The following SHANK2 variants were observed in gnomAD, a reference collection of about 807,000 sequenced individuals.
SHANK2 encodes SH3 and multiple ankyrin repeat domains protein 2.
SHANK2 carries 43 observed loss-of-function variants against 133.7 expected under a neutral mutation model. The ratio of observed to expected loss-of-function variants is 0.32; its 90% confidence interval spans 0.25 to 0.41. SHANK2 has a LOEUF of 0.41. SHANK2 is among the 10% of genes least tolerant of loss of function. The pLI, the probability that SHANK2 is intolerant of heterozygous loss-of-function variation, is 1.00. For synonymous variants in SHANK2, 1,017 were observed against 952.8 expected (o/e 1.07, Z -1.24); for missense variants, 1,994 against 2,235.8 (o/e 0.89, Z 2.18).
chr11:70,575,579 C>T (rs563470329), intron 17 of SHANK2, among the ~76,000 whole-genome samples: 32 of 151,828 alleles, frequency 2.1e-4, no homozygotes, highest in African/African-American at 7.3e-4. Context: ...CACAGAGTCC[C>T]CTGGGGTGGG....
intron 17 of SHANK2, among the ~76,000 whole-genome samples, chr11:70,515,551 C>G (rs1328083119): frequency 6.7e-6 from 1 of 148,232 alleles, no homozygotes; most frequent in Non-Finnish European, 1.5e-5. Flanking sequence ...TCTATAATCC[C>G]AGCACTCTGG....
chr11:71,160,917 A>G (rs530960824), intron 2 of SHANK2, among the ~76,000 whole-genome samples: 134 of 152,318 alleles, frequency 8.8e-4, no homozygotes, highest in African/African-American at 3.2e-3. Flanking sequence ...TCCAAAGAAG[A>G]TGGCTTCCAA....
intron 17 of SHANK2, among the ~76,000 whole-genome samples, chr11:70,545,134 C>T (rs1201946474): frequency 6.6e-6 from 1 of 152,240 alleles, no homozygotes; most frequent in Admixed American, 6.5e-5. Flanking sequence ...GATCACCACC[C>T]CAGTCCTGCC....
intron 9 of SHANK2, among the ~76,000 whole-genome samples, chr11:71,071,312 T>A (rs1951138371): frequency 6.6e-6 from 1 of 152,238 alleles, no homozygotes; most frequent in Non-Finnish European, 1.5e-5. Flanking sequence ...GGGACACAGC[T>A]GCATACAAAC....
chr11:70,675,396 G>C (rs537450203), intron 15 of SHANK2, among the ~76,000 whole-genome samples: 1 of 152,140 alleles, frequency 6.6e-6, no homozygotes, highest in Non-Finnish European at 1.5e-5. Context: ...CACTTTACAG[G>C]GGAGCAAATA....
At position 71,106,093 on chromosome 11, in the gene SHANK2, G is replaced by A. The variant is rs1185819307; in HGVS notation, c.592+3848C>T. 7.2e-5 allele frequency among the ~76,000 whole-genome samples: 11 copies of A among 152,202 alleles called. No individual in the cohort carries two copies. The East Asian group carries it at 1.9e-3, about 27-fold the overall frequency. ...AGGAAACTGGGGGAGCAGTCAATATGGGAACTCACAGTACTTCTATTCAAT... is the reference window on the plus strand; with the variant it reads ...AGGAAACTGGGGGAGCAGTCAATATAGGAACTCACAGTACTTCTATTCAAT... On this transcript the variant is annotated intron_variant, in intron 6 of 25. Coordinates refer to ENST00000601538, the MANE Select transcript of SHANK2 (RefSeq NM_012309.5).
chr11:70,810,490 C>T (rs944411102), intron 12 of SHANK2, among the ~76,000 whole-genome samples: 1 of 152,194 alleles, frequency 6.6e-6, no homozygotes, highest in Admixed American at 6.5e-5. Flanking sequence ...AAGGAGAATA[C>T]AGCACCCCAG....
chr11:70,519,843 C>T (rs929375008), intron 17 of SHANK2, among the ~76,000 whole-genome samples: 1 of 151,360 alleles, frequency 6.6e-6, no homozygotes, highest in Non-Finnish European at 1.5e-5. Context: ...TCGAGTGATT[C>T]TCTCATCTCG....
chr11:70,492,071 C>T (rs530856575), intron 22 of SHANK2, among the ~76,000 whole-genome samples: 1 of 152,336 alleles, frequency 6.6e-6, no homozygotes, highest in East Asian at 1.9e-4. Context: ...CACGGGTCCT[C>T]AGCCAAGTAT....
At chr11:70,801,923 T>C (rs1948055191) in intron 13 of SHANK2, among the ~76,000 whole-genome samples, 1 of 152,030 alleles carries the variant, frequency 6.6e-6, no homozygotes, top group African/African-American at 2.4e-5. Context: ...TACGGTGTGA[T>C]AGGACTGACT....
At chr11:70,933,057 T>G in intron 10 of SHANK2, 2 of 448,826 alleles carry the variant, frequency 4.5e-6, no homozygotes, top group South Asian at 3.2e-5. Flanking sequence ...AACAGGTATT[T>G]GCACACTCAT....
intron 10 of SHANK2, among the ~76,000 whole-genome samples, chr11:70,931,330 T>C (rs1950501689): frequency 2.0e-5 from 3 of 152,228 alleles, no homozygotes; most frequent in Admixed American, 1.3e-4. Context: ...CCCTGGACTA[T>C]ACACGTTAGA....
intron 11 of SHANK2, among the ~76,000 whole-genome samples, chr11:70,844,098 T>C (rs1555062504): frequency 6.6e-6 from 1 of 151,590 alleles, no homozygotes; most frequent in East Asian, 1.9e-4. Flanking sequence ...AGTGGGCGCC[T>C]CCATCCATCC....
In SHANK2 at chr11:70,819,355, T is replaced by C. The variant is rs59233726; in HGVS notation, c.1493+1009A>G. Among the ~76,000 whole-genome samples, 1,381 of 152,292 alleles carry C rather than the reference T, an allele frequency of 9.1e-3. 24 individuals carry two copies. Among genetic ancestry groups the C allele is most frequent in the African/African-American group, 0.031 (1,302 of 41,552 alleles). ...CCTGGAGCAGCTGTACCCATGAGAA[T>C]GTGGAGGCATCGGTGGCAACGGCCA... On this transcript the variant is annotated intron_variant, in intron 12 of 25. Coordinates refer to ENST00000601538, the MANE Select transcript of SHANK2 (RefSeq NM_012309.5).
chr11:70,867,135 G>A (rs1590775997), intron 11 of SHANK2, among the ~76,000 whole-genome samples: 1 of 146,366 alleles, frequency 6.8e-6, no homozygotes, highest in Non-Finnish European at 1.5e-5. Flanking sequence ...AAAAAAAAAA[G>A]AGAGAGAGAA....
At chr11:70,781,379 G>A (rs1331125388) in intron 14 of SHANK2, among the ~76,000 whole-genome samples, 4 of 151,024 alleles carry the variant, frequency 2.6e-5, no homozygotes, top group Non-Finnish European at 5.9e-5. Flanking sequence ...GGTACCCACT[G>A]CCTGGTGCAA....
chr11:71,122,186 C>A (rs1189450565), intron 3 of SHANK2, among the ~76,000 whole-genome samples: 15 of 152,202 alleles, frequency 9.9e-5, no homozygotes, highest in African/African-American at 3.6e-4. Flanking sequence ...ACCATAAAGA[C>A]ACATGCACAC....
chr11:70,593,449 C>T (rs1030577469), intron 17 of SHANK2, among the ~76,000 whole-genome samples: 6 of 152,136 alleles, frequency 3.9e-5, no homozygotes, highest in African/African-American at 1.4e-4. Flanking sequence ...CCAAAGTGGT[C>T]CTGGAGGAGG....
chr11:71,237,398 T>C (rs911575466), intron 1 of SHANK2, among the ~76,000 whole-genome samples: 10 of 152,230 alleles, frequency 6.6e-5, no homozygotes, highest in African/African-American at 1.7e-4. Flanking sequence ...CTTTGACCAC[T>C]GTTTTGGAGA....
Sources: allele counts gnomAD v4.1 joint callset (sites outside exome capture counted in the v4.1 genomes callset), GRCh38; gene constraint gnomAD v4.1.1; transcripts MANE v1.5; gene names NCBI Gene and HGNC (gene_info 2026-07-23, HGNC 2026-07-21).